GPM6A: variants seen among roughly 807,000 people sequenced by gnomAD.
The protein encoded by GPM6A is neuronal membrane glycoprotein M6-a.
Under a neutral mutation model 32.1 loss-of-function variants are expected in GPM6A, and 7 were observed. The ratio of observed to expected loss-of-function variants is 0.22; its 90% CI spans 0.12 to 0.41. The LOEUF is 0.41. Ranked by LOEUF, GPM6A falls within the 10% of genes least tolerant of loss-of-function variation. The pLI, the probability that GPM6A is intolerant of heterozygous loss-of-function variation, is 1.00. For missense variants in GPM6A, 235 were observed against 347.2 expected, an observed-to-expected ratio of 0.68 and a Z score of 2.57; for synonymous variants, 130 against 123.4, an observed-to-expected ratio of 1.05 and a Z score of -0.35.
intron 1 of GPM6A, among the ~76,000 whole-genome samples, chr4:175,922,640 G>A (rs1382931385): frequency 6.6e-6 from 1 of 152,138 alleles, no homozygotes; most frequent in African/African-American, 2.4e-5. Flanking sequence ...AATTCAAGAA[G>A]CCCAATTTGA....
chr4:175,653,290 C>G (rs945094715), intron 3 of GPM6A, among the ~76,000 whole-genome samples: 1 of 152,050 alleles, frequency 6.6e-6, no homozygotes, highest in Non-Finnish European at 1.5e-5. Context: ...GGCAGGAGAT[C>G]AAACCTTTTT....
At chr4:175,769,635 C>A (rs191627721) in intron 1 of GPM6A, among the ~76,000 whole-genome samples, 4 of 151,962 alleles carry the variant, frequency 2.6e-5, no homozygotes, top group African/African-American at 7.3e-5. Context: ...CATTAGATTG[C>A]GAGAGGAGCC....
At chr4:175,684,747 G>A (rs1490185807) in intron 2 of GPM6A, among the ~76,000 whole-genome samples, 1 of 152,012 alleles carries the variant, frequency 6.6e-6, no homozygotes, top group Non-Finnish European at 1.5e-5. Flanking sequence ...TCATTTGTGT[G>A]CCAGTAACAC....
intron 1 of GPM6A, among the ~76,000 whole-genome samples, chr4:175,738,887 T>C (rs1731768794): frequency 1.3e-5 from 2 of 152,186 alleles, no homozygotes; most frequent in Admixed American, 6.5e-5. Context: ...ATATACAAAG[T>C]TATAGGTGGC....
At chr4:175,920,411 T>A (rs1738627305) in intron 1 of GPM6A, among the ~76,000 whole-genome samples, 1 of 152,198 alleles carries the variant, frequency 6.6e-6, no homozygotes. Flanking sequence ...TGAGAACTGT[T>A]CCATGCATAC....
intron 1 of GPM6A, among the ~76,000 whole-genome samples, chr4:175,871,315 C>T (rs1472445752): frequency 6.6e-6 from 1 of 151,864 alleles, no homozygotes; most frequent in African/African-American, 2.4e-5. Flanking sequence ...ACTAAAAATA[C>T]AAAAATTAGC....
chr4:175,648,770 G>A (rs1236528670), intron 4 of GPM6A, among the ~76,000 whole-genome samples: 1 of 151,874 alleles, frequency 6.6e-6, no homozygotes. Context: ...TTTTTCTATA[G>A]TCTGTCTATC....
chr4:175,793,364 CTATTTATT>C (rs5864347), intron 1 of GPM6A, among the ~76,000 whole-genome samples: 2,458 of 149,692 alleles, frequency 0.016, 23 homozygotes, highest in African/African-American at 0.024. Flanking sequence ...CTATTCTATT[CTATTTATT>C]TATTTATTTA....
chr4:175,778,393 G>C (rs1733477925), intron 1 of GPM6A, among the ~76,000 whole-genome samples: 1 of 151,986 alleles, frequency 6.6e-6, no homozygotes, highest in Non-Finnish European at 1.5e-5. Context: ...TTGGGAGGCT[G>C]AGGCAGGCAG....
intron 2 of GPM6A, among the ~76,000 whole-genome samples, chr4:175,689,422 T>G (rs547856711): frequency 6.6e-6 from 1 of 151,490 alleles, no homozygotes; most frequent in Admixed American, 6.6e-5. Context: ...GCCTTTTCCC[T>G]CCTTGGTTAA....
chr4:175,668,508 T>C (rs1742871563), intron 3 of GPM6A, among the ~76,000 whole-genome samples: 1 of 151,844 alleles, frequency 6.6e-6, no homozygotes, highest in Non-Finnish European at 1.5e-5. Context: ...CAGTTTAGGA[T>C]TCAAACGTTT....
At chr4:175,686,225 A>G (rs1031374836) in intron 2 of GPM6A, among the ~76,000 whole-genome samples, 1 of 152,228 alleles carries the variant, frequency 6.6e-6, no homozygotes, top group Non-Finnish European at 1.5e-5. Flanking sequence ...GCTATAAAAA[A>G]CCTCACTTCA....
chr4:175,847,888 C>A (rs550089409), intron 1 of GPM6A, among the ~76,000 whole-genome samples: 1 of 152,254 alleles, frequency 6.6e-6, no homozygotes, highest in African/African-American at 2.4e-5. Flanking sequence ...AAGATGTGAA[C>A]AGAAACGTGC....
In GPM6A at chr4:175,974,652, T is replaced by G. The variant is rs797008583; in HGVS notation, c.-23+27657A>C. On this transcript the variant is annotated intron_variant, in intron 1 of 7. Coordinates refer to the GPM6A transcript ENST00000280187. Reference sequence around the variant, plus strand: ...CATGTACATAAGAATCCTATTTATGTCTTCCAGACACCTCTCCTGGTACCT... The same window carrying G: ...CATGTACATAAGAATCCTATTTATGGCTTCCAGACACCTCTCCTGGTACCT... Among the ~76,000 whole-genome samples the G allele has an allele frequency of 1.4e-4, 21 of 152,256 alleles. 1 individual carries two copies. The highest frequency in any genetic ancestry group is 4.3e-4 in the African/African-American group (18 of 41,582).
intron 1 of GPM6A, among the ~76,000 whole-genome samples, chr4:175,900,452 C>CA (rs1308748076): frequency 7.1e-6 from 1 of 140,892 alleles, no homozygotes; most frequent in East Asian, 2.0e-4. Context: ...AAAAAATGGG[C>CA]AAAAAATATG....
intron 1 of GPM6A, among the ~76,000 whole-genome samples, chr4:175,729,372 C>T (rs911901950): frequency 1.2e-4 from 19 of 152,098 alleles, no homozygotes; most frequent in Admixed American, 2.0e-4. Context: ...ACAGATCTGC[C>T]AGGAAATGCA....
intron 1 of GPM6A, among the ~76,000 whole-genome samples, chr4:175,710,964 A>G (rs775358645): frequency 1.3e-5 from 2 of 151,904 alleles, no homozygotes; most frequent in African/African-American, 2.4e-5. Context: ...CAAGGAGACC[A>G]GGAATATGAA....
chr4:175,927,721 T>C (rs1280811204), intron 1 of GPM6A, among the ~76,000 whole-genome samples: 43 of 152,066 alleles, frequency 2.8e-4, no homozygotes, highest in Admixed American at 2.8e-3. Flanking sequence ...ACCATCTCTA[T>C]AAAAAATAGA....
intron 2 of GPM6A, among the ~76,000 whole-genome samples, chr4:175,677,524 A>G (rs1386811044): frequency 2.6e-5 from 4 of 152,216 alleles, no homozygotes; most frequent in Admixed American, 2.6e-4. Context: ...TTTAAGGCAT[A>G]GAACTGAAAA....
Sources: gnomAD v4.1 joint callset for allele counts (sites outside exome capture counted in the v4.1 genomes callset) on GRCh38, gnomAD v4.1.1 for gene constraint, MANE v1.5 for transcripts, NCBI Gene and HGNC (gene_info 2026-07-23, HGNC 2026-07-21) for gene names.